SVIL: variants seen among roughly 807,000 people sequenced by gnomAD.
SVIL encodes archvillin.
SVIL carries 101 observed loss-of-function variants against 240.4 expected under a neutral mutation model. That is an observed-to-expected ratio of 0.42 (90% CI 0.36 to 0.50). The LOEUF (loss-of-function observed/expected upper bound fraction) is 0.50, where lower values mean the gene tolerates loss of function less well. SVIL is among the 20% of genes least tolerant of loss of function. The pLI is 0.01. For missense variants in SVIL, 2,512 were observed against 2,818.7 expected (o/e 0.89, Z 2.46); for synonymous variants, 999 against 1,100.0 (o/e 0.91, Z 1.82).
At position 29,672,021 on chromosome 10, in the gene SVIL, C is replaced by T. The variant is rs541501656; in HGVS notation, c.-300-13953G>A. ...GTCACTGACCAGAAATCCCAGTAGT[C>T]GCTGACCCACTTAAGAAGCTAATGA... On this transcript the variant is annotated intron_variant, in intron 2 of 35. Coordinates refer to the SVIL transcript ENST00000375400. Among the ~76,000 whole-genome samples the T allele has an allele frequency of 2.7e-4, 41 of 152,246 alleles. 1 individual carries two copies. In the South Asian group the frequency reaches 7.0e-3, roughly 26 times the overall value.
intron 24 of SVIL, 30 bp from the exon 25 acceptor site, chr10:29,486,587 G>A: frequency 1.9e-6 from 3 of 1,613,690 alleles, no homozygotes; most frequent in South Asian, 1.1e-5. Flanking sequence ...AATTGCCTGG[G>A]TAGAAAAGCC....
intron 1 of SVIL, among the ~76,000 whole-genome samples, chr10:29,703,542 C>T (rs1962672669): frequency 6.6e-6 from 1 of 152,232 alleles, no homozygotes; most frequent in Non-Finnish European, 1.5e-5. Flanking sequence ...CAGATGCACG[C>T]CAGCAGCCCC....
chr10:29,560,843 C>CG (rs1954392132), intron 3 of SVIL, among the ~76,000 whole-genome samples: 1 of 145,328 alleles, frequency 6.9e-6, no homozygotes, highest in East Asian at 2.0e-4. Flanking sequence ...GGCACTGGCA[C>CG]TTTTTTTTTT....
At chr10:29,522,717 T>G in intron 15 of SVIL, 82 bp from the exon 16 acceptor site, 3 of 1,467,454 alleles carry the variant, frequency 2.0e-6, no homozygotes, top group Non-Finnish European at 2.8e-6. Context: ...AGTGCAGCTC[T>G]CAGGGTTCAA....
chr10:29,482,345 G>A (rs1442788356), intron 27 of SVIL, among the ~76,000 whole-genome samples: 1 of 152,048 alleles, frequency 6.6e-6, no homozygotes, highest in Non-Finnish European at 1.5e-5. Flanking sequence ...TCTTGTCTTT[G>A]GGATACCCTG....
intron 1 of SVIL, among the ~76,000 whole-genome samples, chr10:29,587,762 A>G (rs1956228621): frequency 6.6e-6 from 1 of 152,218 alleles, no homozygotes; most frequent in Non-Finnish European, 1.5e-5. Flanking sequence ...TCAAAACAGC[A>G]ACCTGCAAAT....
chr10:29,662,590 C>T (rs781344044), intron 2 of SVIL, among the ~76,000 whole-genome samples: 29 of 152,162 alleles, frequency 1.9e-4, no homozygotes, highest in Non-Finnish European at 3.5e-4. Context: ...CAGATAGCTG[C>T]CTACCACATT....
At chr10:29,550,501 A>C in intron 6 of SVIL, 96 bp downstream of exon 6, 20 of 1,326,408 alleles carry the variant, frequency 1.5e-5, no homozygotes, top group Non-Finnish European at 2.0e-5. Context: ...CTTGACTTCC[A>C]CATAATGCTT....
rs1324556434 is a variant in SVIL at position 29,672,518 on chromosome 10, CTTTGCAA to C, written c.-301+14028_-301+14034del. Among the ~76,000 whole-genome samples the C allele has an allele frequency of 7.2e-5, 11 of 152,274 alleles. No individual in the cohort carries two copies. In the Middle Eastern group the frequency reaches 0.01, roughly 142 times the overall value. ...AAAATAGAAATGCCACTCTGGGTGG[CTTTGCAA>C]AGTTACTTAACTAAATCCAATTTTC... On this transcript the variant is annotated intron_variant, in intron 2 of 35. Coordinates refer to the SVIL transcript ENST00000375400.
Position 29,554,931 on chromosome 10 carries a change from T to G in SVIL, c.12A>C (p.Lys4Asn). 10 of 1,610,924 alleles carry G rather than the reference T, an allele frequency of 6.2e-6. No individual in the cohort carries two copies. The highest frequency in any genetic ancestry group is 7.6e-6 in the Non-Finnish European group (9 of 1,178,670). ...CTTCCAGGCGCCTGGCAATTCTTTC[T>G]TTTCTGTGAAATACACCACAAGAGG... MKR[K>N]ERIARRLEGI... The change falls in exon 5 of 38, where the codon AAA becomes AAC. Residue 4 changes from lysine (K) to asparagine (N), a missense_variant. Lys to Asn is a moderately conservative substitution (Grantham distance 94). This residue lies in a region of SVIL where 1,443 missense variants were observed against 1,486.6 expected (regional missense o/e 0.97). Coordinates refer to ENST00000355867, the MANE Select transcript of SVIL (RefSeq NM_021738.3).
At chr10:29,518,773 T>G (rs1564558821) in intron 16 of SVIL, among the ~76,000 whole-genome samples, 1 of 152,296 alleles carries the variant, frequency 6.6e-6, no homozygotes, top group East Asian at 1.9e-4. Context: ...GGAGAATCAC[T>G]TGAACCTGGG....
At chr10:29,475,446 A>G (rs1946091953) in intron 29 of SVIL, 2 of 152,250 alleles carry the variant, frequency 1.3e-5, no homozygotes, top group South Asian at 4.1e-4. Flanking sequence ...TCTGGGCTAC[A>G]ATGGTGAACA....
In SVIL at chr10:29,494,395, T is replaced by C. The variant is rs141446399; in HGVS notation, c.3841+519A>G. Among the ~76,000 whole-genome samples the C allele has an allele frequency of 8.8e-3, 1,339 of 152,356 alleles. 24 individuals are homozygous for C. The highest frequency in any genetic ancestry group is 0.031 in the African/African-American group (1,296 of 41,576). The stretch of plus-strand genomic sequence containing the variant: ...AGTGGTCACTGTCAATAGTAGGGAC[T>C]CCCAGCGCCTAGTATTTGATAAGTT... On this transcript the variant is annotated intron_variant, in intron 20 of 37. Coordinates refer to ENST00000355867, the MANE Select transcript of SVIL (RefSeq NM_021738.3).
chr10:29,614,050 A>G (rs573057044), intron 1 of SVIL, among the ~76,000 whole-genome samples: 1 of 152,262 alleles, frequency 6.6e-6, no homozygotes, highest in East Asian at 1.9e-4. Flanking sequence ...TGGCTCTGGA[A>G]TGGCCACTGA....
intron 29 of SVIL, among the ~76,000 whole-genome samples, chr10:29,476,708 T>A (rs1448603713): frequency 2.6e-5 from 4 of 152,260 alleles, no homozygotes; most frequent in Non-Finnish European, 5.9e-5. Context: ...TTTATTTCTT[T>A]AAAGATATTT....
intron 10 of SVIL, among the ~76,000 whole-genome samples, chr10:29,530,963 T>G (rs1589134792): frequency 6.6e-6 from 1 of 152,236 alleles, no homozygotes; most frequent in Non-Finnish European, 1.5e-5. Context: ...GGAATTTCTT[T>G]TAGTTTTAAA....
At chr10:29,617,110 C>T (rs1335340854) in intron 1 of SVIL, among the ~76,000 whole-genome samples, 1 of 152,096 alleles carries the variant, frequency 6.6e-6, no homozygotes, top group Admixed American at 6.6e-5. Flanking sequence ...TAGTTTCCCC[C>T]GTGTATTTCC....
intron 3 of SVIL, among the ~76,000 whole-genome samples, chr10:29,654,864 T>A (rs1958948998): frequency 6.6e-6 from 1 of 152,152 alleles, no homozygotes; most frequent in African/African-American, 2.4e-5. Context: ...GGAGCTCTGA[T>A]GTCCAAGGGC....
Position 29,523,706 on chromosome 10 carries a change from C to T in SVIL, c.2908G>A (p.Glu970Lys). 1.2e-6 allele frequency: 2 copies of T among 1,614,190 alleles called. No homozygotes were observed. Among genetic ancestry groups the T allele is most frequent in the Non-Finnish European group, 1.7e-6 (2 of 1,180,016 alleles). Residue 970 changes from glutamate to lysine, a missense_variant, in exon 15 of 38, where the codon GAG (glutamate) becomes AAG (lysine). By Grantham distance (56) the Glu-to-Lys change is moderately conservative. This residue lies in a region of SVIL where 1,443 missense variants were observed against 1,486.6 expected (regional missense o/e 0.97). Transcript: ENST00000355867. ...DSGMEKYGSF[E>K]EAEASYPILN... ...ATGGGGTAGGATGCTTCTGCTTCCT[C>T]AAAGGACCCATACTTCTCCATCCCA...
Sources: allele counts gnomAD v4.1 joint callset (sites outside exome capture counted in the v4.1 genomes callset), GRCh38; gene constraint gnomAD v4.1.1; regional missense constraint gnomAD v4.1.1; transcripts MANE v1.5; gene names NCBI Gene and HGNC (gene_info 2026-07-23, HGNC 2026-07-21).